Variants in TMEM65 observed in about 807,000 individuals in gnomAD.
The protein encoded by TMEM65 is transmembrane protein 65.
In TMEM65, 22 loss-of-function variants were observed where a neutral mutation model predicts 25.4. The ratio of observed to expected loss-of-function variants is 0.86; its 90% CI spans 0.62 to 1.23. The LOEUF is 1.23. Ranked by LOEUF, TMEM65 falls within the 50% of genes most tolerant of loss-of-function variation. The pLI is 0.00. For missense variants in TMEM65, 262 were observed against 308.2 expected, an observed-to-expected ratio of 0.85 and a Z score of 1.12; for synonymous variants, 132 against 126.2, an observed-to-expected ratio of 1.05 and a Z score of -0.31.
rs994571972 is a variant in TMEM65, at chr8:124,372,520, T to C, written c.-363A>G. 6.4e-6 allele frequency: 1 copy of C among 155,052 alleles called. No homozygotes were observed. The highest frequency in any genetic ancestry group is 2.4e-5 in the African/African-American group (1 of 41,430). 9.6% of individuals were successfully genotyped at this position (155,052 alleles called of 1,614,324 possible). ...CTAGTGTGTGTCTCTGTCAGTCTGA[T>C]CTTCCAGAGGATGAGTCAGCCACGC... On this transcript the variant is annotated 5_prime_UTR_variant, in exon 1 of 7. Coordinates refer to ENST00000297632, the MANE Select transcript of TMEM65 (RefSeq NM_194291.3).
At chr8:124,355,175 T>C (rs1013504307) in intron 1 of TMEM65, among the ~76,000 whole-genome samples, 4 of 152,180 alleles carry the variant, frequency 2.6e-5, no homozygotes, top group African/African-American at 4.8e-5. Context: ...AATGTGATTG[T>C]TGCATAGCTA....
intron 1 of TMEM65, among the ~76,000 whole-genome samples, chr8:124,338,180 C>G (rs1814535480): frequency 6.6e-6 from 1 of 151,908 alleles, no homozygotes; most frequent in South Asian, 2.1e-4. Flanking sequence ...GAATATTTCC[C>G]ACATCTTTAA....
At chr8:124,356,212 C>A (rs554755997) in intron 1 of TMEM65, among the ~76,000 whole-genome samples, 1 of 152,028 alleles carries the variant, frequency 6.6e-6, no homozygotes. Context: ...CTGTTTTACC[C>A]ATCTCTCCCC....
intron 1 of TMEM65, among the ~76,000 whole-genome samples, chr8:124,359,876 T>C (rs962956191): frequency 3.3e-5 from 5 of 152,196 alleles, no homozygotes; most frequent in Admixed American, 2.6e-4. Flanking sequence ...CTATCCTAGA[T>C]AAAGTGTTTA....
chr8:124,348,407 A>G (rs1814666359), intron 1 of TMEM65, among the ~76,000 whole-genome samples: 1 of 152,068 alleles, frequency 6.6e-6, no homozygotes, highest in East Asian at 1.9e-4. Context: ...TTTTATGCCT[A>G]TGGAAGATAA....
At chr8:124,332,867 G>A (rs746780716) in intron 1 of TMEM65, among the ~76,000 whole-genome samples, 10 of 151,986 alleles carry the variant, frequency 6.6e-5, no homozygotes, top group African/African-American at 1.7e-4. Flanking sequence ...GTGCAGTGGC[G>A]CGATCTCGGC....
At chr8:124,328,512 T>C (rs1163521442) in intron 2 of TMEM65, among the ~76,000 whole-genome samples, 1 of 152,150 alleles carries the variant, frequency 6.6e-6, no homozygotes, top group Non-Finnish European at 1.5e-5. Flanking sequence ...GAGGGCATGG[T>C]AGATGCTCAA....
rs569539198 is a variant in TMEM65 at position 124,315,301 on chromosome 8, A to G, written c.622-1240T>C. On this transcript the variant is annotated intron_variant, in intron 6 of 6. Transcript: ENST00000297632. The stretch of plus-strand genomic sequence containing the variant: ...TCTCTTATACATTGTCTATTTAGCT[A>G]TCATATCCTACAGTTTTTTTTTTGT... Among the ~76,000 whole-genome samples, 3 of 141,356 alleles carry G rather than the reference A, an allele frequency of 2.1e-5. No individual in the cohort carries two copies. In the South Asian group the frequency reaches 7.0e-4, roughly 33 times the overall value. The allele number at this position is 141,356 out of a possible 152,430, so 92.7% of individuals were successfully genotyped here. A position where few individuals can be genotyped will look rare whatever the true frequency, so the allele number is the denominator to read the frequency against.
intron 1 of TMEM65, among the ~76,000 whole-genome samples, chr8:124,361,149 G>A (rs1428782363): frequency 6.6e-6 from 1 of 152,148 alleles, no homozygotes; most frequent in Non-Finnish European, 1.5e-5. Context: ...AGTTAAAACT[G>A]TAGGCCGGGC....
chr8:124,330,999 G>A (rs1814424963), intron 1 of TMEM65, among the ~76,000 whole-genome samples: 1 of 151,946 alleles, frequency 6.6e-6, no homozygotes, highest in Admixed American at 6.6e-5. Context: ...AAATGAAACT[G>A]AGCTTAGTTA....
At chr8:124,356,279 T>C (rs146027666) in intron 1 of TMEM65, among the ~76,000 whole-genome samples, 266 of 152,294 alleles carry the variant, frequency 1.7e-3, no homozygotes, top group Non-Finnish European at 3.0e-3. Flanking sequence ...GGATAGCGGG[T>C]AATCACTCTG....
At chr8:124,325,457 A>G (rs988275754) in intron 3 of TMEM65, among the ~76,000 whole-genome samples, 1 of 151,972 alleles carries the variant, frequency 6.6e-6, no homozygotes, top group African/African-American at 2.4e-5. Context: ...ACAGGATAAT[A>G]TTTTTGCCAC....
At chr8:124,354,625 C>T (rs890247262) in intron 1 of TMEM65, among the ~76,000 whole-genome samples, 1 of 152,144 alleles carries the variant, frequency 6.6e-6, no homozygotes, top group Admixed American at 6.5e-5. Flanking sequence ...ACCCTTTTGC[C>T]CAACTCCAGA....
At chr8:124,370,334 A>C (rs930938978) in intron 1 of TMEM65, among the ~76,000 whole-genome samples, 2 of 152,180 alleles carry the variant, frequency 1.3e-5, no homozygotes, top group Non-Finnish European at 2.9e-5. Context: ...AAAAGGTAAA[A>C]TGTGTGTTCA....
rs1390553689 is a variant in TMEM65, at chr8:124,307,358, T to C, written c.*6602A>G. On this transcript the variant is annotated 3_prime_UTR_variant, in exon 7 of 7. Coordinates refer to ENST00000297632, the MANE Select transcript of TMEM65 (RefSeq NM_194291.3). ...GCTCCCAAGGAGCAAAGTCATGACA[T>C]TACAAGAAAAAGTTAAATTGCTTGA... is the stretch of plus-strand genomic sequence containing the variant. The C allele has an allele frequency of 1.3e-5, 2 of 152,176 alleles. No homozygotes were observed. Among genetic ancestry groups the C allele is most frequent in the African/African-American group, 2.4e-5 (1 of 41,420 alleles). The allele number at this position is 152,176 out of a possible 1,614,324, so 9.4% of individuals were successfully genotyped here. A position where few individuals can be genotyped will look rare whatever the true frequency, so the allele number is the denominator to read the frequency against.
chr8:124,320,018 G>A, intron 6 of TMEM65, 68 bp downstream of exon 6: 1 of 1,248,260 alleles, frequency 8.0e-7, no homozygotes, highest in Non-Finnish European at 1.1e-6. Flanking sequence ...ATTTCTCAAG[G>A]GCCTGAACTA....
chr8:124,336,938 G>C (rs1212531388), intron 1 of TMEM65, among the ~76,000 whole-genome samples: 2 of 151,630 alleles, frequency 1.3e-5, no homozygotes, highest in African/African-American at 2.4e-5. Flanking sequence ...ATGAAAGAAG[G>C]GGCATCATTA....
rs1049232887 is a variant in TMEM65, at chr8:124,341,327, A to T, written c.305-10535T>A. Among the ~76,000 whole-genome samples the T allele has an allele frequency of 7.2e-5, 11 of 152,148 alleles. No individual in the cohort carries two copies. The South Asian group carries it at 2.3e-3, about 31-fold the overall frequency. ...AGGTTTGCAAAGGACGAATCTTGTA[A>T]AAAGAATTTTATGTGTGACAAAGCC... On this transcript the variant is annotated intron_variant, in intron 1 of 6. Coordinates refer to ENST00000297632, the MANE Select transcript of TMEM65 (RefSeq NM_194291.3).
At chr8:124,339,236 T>A (rs372341396) in intron 1 of TMEM65, among the ~76,000 whole-genome samples, 5 of 52,100 alleles carry the variant, frequency 9.6e-5, no homozygotes, top group African/African-American at 9.5e-5. Context: ...TATATATATA[T>A]ATATATATAT....
Sources: gnomAD v4.1 joint callset for allele counts (sites outside exome capture counted in the v4.1 genomes callset) on GRCh38, gnomAD v4.1.1 for gene constraint, MANE v1.5 for transcripts, NCBI Gene and HGNC (gene_info 2026-07-23, HGNC 2026-07-21) for gene names.